Variants in NLRP14 observed in about 807,000 individuals in gnomAD.
NLRP14 encodes NACHT, LRR and PYD domains-containing protein 14.
NLRP14 carries 105 observed loss-of-function variants against 94.7 expected under a neutral mutation model. That is an observed-to-expected ratio of 1.11 (90% confidence interval 0.95 to 1.30). NLRP14 has a LOEUF of 1.30. Ranked by LOEUF, NLRP14 falls within the 50% of genes most tolerant of loss-of-function variation. The pLI, the probability that NLRP14 is intolerant of heterozygous loss-of-function variation, is 0.00. For missense variants in NLRP14, 1,362 were observed against 1,254.1 expected (o/e 1.09, Z -1.30); for synonymous variants, 508 against 459.9 (o/e 1.10, Z -1.34).
intron 3 of NLRP14, 133 bp from the exon 4 acceptor site, chr11:7,042,255 C>G (rs538385368): frequency 8.2e-5 from 53 of 649,870 alleles, no homozygotes; most frequent in African/African-American, 5.3e-4. Flanking sequence ...AAATCAAAAC[C>G]AGCTCTGATT....
chr11:7,045,774 A>C (rs529728228), intron 4 of NLRP14, among the ~76,000 whole-genome samples: 7 of 151,728 alleles, frequency 4.6e-5, no homozygotes, highest in African/African-American at 1.7e-4. Context: ...TATGTATATA[A>C]CAGTTACTGA....
intron 5 of NLRP14, among the ~76,000 whole-genome samples, chr11:7,048,029 G>T (rs1048543642): frequency 2.0e-5 from 3 of 151,788 alleles, no homozygotes; most frequent in Admixed American, 6.5e-5. Context: ...CAAAGTGCTG[G>T]GATTACAGGC....
At chr11:7,066,095 A>T (rs918678865) in intron 10 of NLRP14, among the ~76,000 whole-genome samples, 1 of 152,032 alleles carries the variant, frequency 6.6e-6, no homozygotes, top group African/African-American at 2.4e-5. Context: ...CATTTTCTTT[A>T]TCCAGTCTAT....
In NLRP14 at chr11:7,043,810, T is replaced by C. The variant is rs1852309774; in HGVS notation, c.1784T>C (p.Ile595Thr). Residue 595 changes from isoleucine to threonine, a missense_variant, in exon 4 of 12, where the codon ATA becomes ACA. Physicochemically the swap from Ile to Thr is moderately conservative, Grantham distance 89. Coordinates refer to ENST00000299481, the MANE Select transcript of NLRP14 (RefSeq NM_176822.4). ...TATGAGACTCAAGATAAAGCGTTTATAAGCCAGGCAATGAGATGTTTCCCA... is the reference window on the plus strand; with the variant it reads ...TATGAGACTCAAGATAAAGCGTTTACAAGCCAGGCAATGAGATGTTTCCCA... Reference protein sequence around the residue: ...CLYETQDKAFISQAMRCFPKV... With the variant: ...CLYETQDKAFTSQAMRCFPKV... The C allele has an allele frequency of 1.2e-6, 2 of 1,614,222 alleles. No homozygotes were observed. Among genetic ancestry groups the C allele is most frequent in the East Asian group, 4.5e-5 (2 of 44,892 alleles).
rs765483276 is a variant in NLRP14 at position 7,042,865 on chromosome 11, C to T, written c.839C>T (p.Thr280Ile). The part of the protein sequence containing the change: ...EPEFALCEDW[T>I]QEHPVSFLMS... ...GAGTTTGCACTGTGCGAAGACTGGA[C>T]CCAAGAACACCCAGTGTCCTTCCTC... is the stretch of plus-strand genomic sequence containing the variant. Residue 280 changes from threonine (T) to isoleucine (I), a missense_variant, in exon 4 of 12, where the codon ACC (threonine) becomes ATC (isoleucine). Thr to Ile is a moderately conservative substitution (Grantham distance 89). Coordinates refer to ENST00000299481, the MANE Select transcript of NLRP14 (RefSeq NM_176822.4). 1.9e-6 allele frequency: 3 copies of T among 1,614,090 alleles called. No homozygotes were observed. Among genetic ancestry groups the T allele is most frequent in the Non-Finnish European group, 2.5e-6 (3 of 1,180,024 alleles).
chr11:7,043,390 C>T lies in NLRP14; in HGVS notation c.1364C>T (p.Ser455Phe), dbSNP rs1852297685. The change falls in exon 4 of 12, where the codon TCT (serine) becomes TTT (phenylalanine). Residue 455 changes from serine (S) to phenylalanine (F), a missense_variant. Coordinates refer to ENST00000299481, the MANE Select transcript of NLRP14 (RefSeq NM_176822.4). ...ENLRRLGLTQ[S>F]DVSSFMDSNI... ...CTCAGAAGGCTTGGGTTAACTCAAT[C>T]TGATGTCTCTAGTTTTATGGACAGC... 3.1e-6 allele frequency: 5 copies of T among 1,614,134 alleles called. No individual in the cohort carries two copies. The highest frequency in any genetic ancestry group is 4.2e-6 in the Non-Finnish European group (5 of 1,179,974).
chr11:7,051,230 T>A (rs1337345912), intron 6 of NLRP14, among the ~76,000 whole-genome samples: 1 of 152,244 alleles, frequency 6.6e-6, no homozygotes, highest in African/African-American at 2.4e-5. Context: ...TACTCCATTA[T>A]GTGGGACTGC....
intron 3 of NLRP14, among the ~76,000 whole-genome samples, chr11:7,040,164 A>G (rs1384374430): frequency 6.6e-6 from 1 of 152,214 alleles, no homozygotes; most frequent in African/African-American, 2.4e-5. Context: ...CAACTGGTTC[A>G]TATAAAAACT....
chr11:7,057,079 G>T (rs1302848361), intron 6 of NLRP14, among the ~76,000 whole-genome samples: 1 of 151,996 alleles, frequency 6.6e-6, no homozygotes, highest in African/African-American at 2.4e-5. Flanking sequence ...CAAAGGGTTA[G>T]TATTACTCCC....
At chr11:7,082,723 G>T in the NLRP14 span, among the ~76,000 whole-genome samples, 1 of 152,154 alleles carries the variant, frequency 6.6e-6, no homozygotes, top group Non-Finnish European at 1.5e-5. Context: ...AGGGACATTA[G>T]GTTCAGCCAC....
the NLRP14 span, among the ~76,000 whole-genome samples, chr11:7,083,001 A>T: frequency 6.6e-6 from 1 of 152,248 alleles, no homozygotes; most frequent in Non-Finnish European, 1.5e-5. Flanking sequence ...CAGCACTTGC[A>T]GTTGCAGCCT....
At chr11:7,035,641 A>G (rs1021428700) in intron 1 of NLRP14, among the ~76,000 whole-genome samples, 3 of 152,182 alleles carry the variant, frequency 2.0e-5, no homozygotes, top group Non-Finnish European at 4.4e-5. Context: ...GGACTATATG[A>G]AAAGGGTGGA....
At chr11:7,089,098 G>A in the NLRP14 span, 2 of 1,608,580 alleles carry the variant, frequency 1.2e-6, no homozygotes, top group East Asian at 4.5e-5. Flanking sequence ...CACCGCCACT[G>A]ACCGACCGTT....
intron 10 of NLRP14, among the ~76,000 whole-genome samples, chr11:7,068,632 A>C (rs927461630): frequency 2.0e-5 from 3 of 152,126 alleles, no homozygotes; most frequent in Admixed American, 2.0e-4. Flanking sequence ...ATACTTAAGA[A>C]CACAAAAAAT....
At chr11:7,021,778 G>A (rs942369978) in intron 1 of NLRP14, among the ~76,000 whole-genome samples, 3 of 151,028 alleles carry the variant, frequency 2.0e-5, no homozygotes, top group East Asian at 2.0e-4. Context: ...ACTATCAATT[G>A]CGGCTATTTA....
At chr11:7,035,357 G>A (rs1161204902) in intron 1 of NLRP14, among the ~76,000 whole-genome samples, 1 of 152,114 alleles carries the variant, frequency 6.6e-6, no homozygotes, top group Non-Finnish European at 1.5e-5. Flanking sequence ...TAGCAGTAGA[G>A]GTTAGACTCT....
chr11:7,086,142 C>T, the NLRP14 span, among the ~76,000 whole-genome samples: 1 of 152,158 alleles, frequency 6.6e-6, no homozygotes, highest in Non-Finnish European at 1.5e-5. Context: ...AGTGGCTGTA[C>T]CATTTTATAT....
chr11:7,055,396 A>C (rs956349583), intron 6 of NLRP14, among the ~76,000 whole-genome samples: 1 of 152,148 alleles, frequency 6.6e-6, no homozygotes, highest in Non-Finnish European at 1.5e-5. Flanking sequence ...TCATATCAGA[A>C]AAATAATCTC....
At chr11:7,086,231 C>A in the NLRP14 span, among the ~76,000 whole-genome samples, 1 of 152,208 alleles carries the variant, frequency 6.6e-6, no homozygotes, top group Non-Finnish European at 1.5e-5. Flanking sequence ...TTGACAATAA[C>A]TATCCTAATT....
Sources: allele counts gnomAD v4.1 joint callset (sites outside exome capture counted in the v4.1 genomes callset), GRCh38; gene constraint gnomAD v4.1.1; transcripts MANE v1.5; gene names NCBI Gene and HGNC (gene_info 2026-07-23, HGNC 2026-07-21).